The following EPB41L4A variants were observed in gnomAD, a reference collection of about 807,000 sequenced individuals.
EPB41L4A encodes band 4.1-like protein 4A.
In EPB41L4A, 100 loss-of-function variants were observed where a neutral mutation model predicts 108.6. The ratio of observed to expected loss-of-function variants is 0.92; its 90% confidence interval spans 0.78 to 1.09. The LOEUF (loss-of-function observed/expected upper bound fraction) is 1.09. Ranked by LOEUF, EPB41L4A falls within the 50% of genes least tolerant of loss-of-function variation. The pLI, the probability that EPB41L4A is intolerant of heterozygous loss-of-function variation, is 0.00. For synonymous variants in EPB41L4A, 319 were observed against 289.0 expected, an observed-to-expected ratio of 1.10 and a Z score of -1.05; for missense variants, 1,030 against 842.7, an observed-to-expected ratio of 1.22 and a Z score of -2.75.
At chr5:112,366,899 G>T (rs563160690) in intron 1 of EPB41L4A, among the ~76,000 whole-genome samples, 3 of 152,242 alleles carry the variant, frequency 2.0e-5, no homozygotes, top group African/African-American at 7.2e-5. Flanking sequence ...AGAGTCTGAG[G>T]TCACATACTC....
At chr5:112,158,112 G>A (rs974579688), downstream of EPB41L4A, among the ~76,000 whole-genome samples, 2 of 152,204 alleles carry the variant, frequency 1.3e-5, no homozygotes, top group Non-Finnish European at 2.9e-5. Flanking sequence ...GCCTTCCTCT[G>A]CCTAATTTTG....
Position 112,240,346 on chromosome 5 carries a change from C to T in EPB41L4A, c.887+373G>A, listed in dbSNP as rs191070029. Among the ~76,000 whole-genome samples the T allele has an allele frequency of 5.9e-5, 9 of 152,300 alleles. No individual in the cohort carries two copies. In the East Asian group the frequency reaches 1.5e-3, roughly 26 times the overall value. On this transcript the variant is annotated intron_variant, in intron 10 of 22. Coordinates refer to ENST00000261486, the MANE Select transcript of EPB41L4A (RefSeq NM_022140.5). ...GAGCCTTGTACACCTAACTGACTTA[C>T]CACATTTCTACCTAGATGGCTGATA...
chr5:112,313,998 G>C (rs1280798924), intron 1 of EPB41L4A, among the ~76,000 whole-genome samples: 1 of 151,482 alleles, frequency 6.6e-6, no homozygotes, highest in East Asian at 2.0e-4. Context: ...GAAGTAGCTG[G>C]GACTACAGGT....
chr5:112,201,844 G>A lies in EPB41L4A; in HGVS notation c.1376+2531C>T, dbSNP rs548297845. 2.0e-5 allele frequency among the ~76,000 whole-genome samples: 3 copies of A among 152,252 alleles called. 1 individual carries two copies. In the Middle Eastern group the frequency reaches 0.01, roughly 518 times the overall value. ...ATCACTATCTCCACCTTTTTCAGATGTACAGGCTGGGATTCCAATCCCATG... is the reference window on the plus strand; with the variant it reads ...ATCACTATCTCCACCTTTTTCAGATATACAGGCTGGGATTCCAATCCCATG... On this transcript the variant is annotated intron_variant, in intron 15 of 22. Transcript: ENST00000261486.
intron 1 of EPB41L4A, among the ~76,000 whole-genome samples, chr5:112,374,144 G>A (rs141764695): frequency 6.6e-6 from 1 of 152,136 alleles, no homozygotes; most frequent in African/African-American, 2.4e-5. Context: ...AATGTCAGAG[G>A]CATCCCCATG....
At position 112,268,175 on chromosome 5, in the gene EPB41L4A, AG is replaced by A. The variant is rs1489192924; in HGVS notation, c.336-1846del. Among the ~76,000 whole-genome samples, 8 of 152,356 alleles carry A rather than the reference AG, an allele frequency of 5.3e-5. No individual in the cohort carries two copies. The East Asian group carries it at 1.5e-3, about 29-fold the overall frequency. Reference sequence around the variant, plus strand: ...GGCAGGTGGATCACCTGAGATCAGGAGTTCAACACCAGCCAGGCCAACACAG... The same window carrying A: ...GGCAGGTGGATCACCTGAGATCAGGATTCAACACCAGCCAGGCCAACACAG... On this transcript the variant is annotated intron_variant, in intron 4 of 22. Coordinates refer to ENST00000261486, the MANE Select transcript of EPB41L4A (RefSeq NM_022140.5).
chr5:112,211,741 A>G (rs747208459), intron 12 of EPB41L4A, among the ~76,000 whole-genome samples: 15 of 152,236 alleles, frequency 9.9e-5, no homozygotes, highest in Non-Finnish European at 1.8e-4. Flanking sequence ...TGTCTGGCTT[A>G]CCCATCAGGA....
At chr5:112,373,535 T>A (rs1759625001) in intron 1 of EPB41L4A, among the ~76,000 whole-genome samples, 1 of 152,280 alleles carries the variant, frequency 6.6e-6, no homozygotes. Flanking sequence ...CAAACACTTG[T>A]TATGTGTCAT....
chr5:112,297,780 G>C (rs1419150838), intron 2 of EPB41L4A, among the ~76,000 whole-genome samples: 1 of 151,864 alleles, frequency 6.6e-6, no homozygotes, highest in African/African-American at 2.4e-5. Flanking sequence ...TAATGATTTA[G>C]GACTTAAATC....
downstream of EPB41L4A, among the ~76,000 whole-genome samples, chr5:112,159,219 G>C (rs944195606): frequency 6.6e-6 from 1 of 152,004 alleles, no homozygotes; most frequent in African/African-American, 2.4e-5. Context: ...ACAAAAAGCT[G>C]TATTTAATGT....
intron 2 of EPB41L4A, among the ~76,000 whole-genome samples, chr5:112,300,395 T>C (rs1466162868): frequency 6.6e-6 from 1 of 152,174 alleles, no homozygotes. Context: ...CTATCTTTTC[T>C]TCATTTATGA....
Position 112,165,108 on chromosome 5 carries a change from C to G in EPB41L4A, c.1943G>C (p.Gly648Ala). ...TTCTTCCATCAGGCTATCTTTAGACCCATTTCTTCTCTAAAATATATTTGA... is the reference window on the plus strand; with the variant it reads ...TTCTTCCATCAGGCTATCTTTAGACGCATTTCTTCTCTAAAATATATTTGA... ...GDATVHQRRNGSKDSLMEEKP... is the reference protein window; with the variant it reads ...GDATVHQRRNASKDSLMEEKP... Residue 648 changes from glycine (G) to alanine (A), a missense_variant, in exon 23 of 23, where the codon GGG (glycine) becomes GCG (alanine). Gly to Ala is a moderately conservative substitution (Grantham distance 60, BLOSUM62 0). Transcript: ENST00000261486. The G allele has an allele frequency of 6.8e-7, 1 of 1,481,416 alleles. No individual in the cohort carries two copies. The highest frequency in any genetic ancestry group is 2.5e-5 in the African/African-American group (1 of 40,468). 91.8% of individuals were successfully genotyped at this position (1,481,416 alleles called of 1,614,324 possible).
intron 1 of EPB41L4A, among the ~76,000 whole-genome samples, chr5:112,312,259 T>A (rs974333315): frequency 4.6e-5 from 7 of 152,214 alleles, no homozygotes; most frequent in African/African-American, 1.7e-4. Flanking sequence ...ATCATCAAAT[T>A]TGAAAATTTT....
At chr5:112,171,445 G>C (rs1421385323) in intron 18 of EPB41L4A, among the ~76,000 whole-genome samples, 2 of 152,228 alleles carry the variant, frequency 1.3e-5, no homozygotes, top group Non-Finnish European at 2.9e-5. Context: ...GGATGGCCCT[G>C]ATGGCAGACT....
intron 5 of EPB41L4A, among the ~76,000 whole-genome samples, chr5:112,265,438 G>A (rs1205438958): frequency 1.3e-5 from 2 of 151,976 alleles, no homozygotes; most frequent in East Asian, 1.9e-4. Flanking sequence ...CTGAAATAAT[G>A]ATCATGGAAA....
chr5:112,396,018 A>T (rs1761313493), intron 1 of EPB41L4A, among the ~76,000 whole-genome samples: 1 of 152,158 alleles, frequency 6.6e-6, no homozygotes, highest in African/African-American at 2.4e-5. Flanking sequence ...CAAACACCAC[A>T]TGTTCTCACT....
intron 12 of EPB41L4A, among the ~76,000 whole-genome samples, chr5:112,215,347 G>T (rs1366996686): frequency 6.6e-6 from 1 of 152,140 alleles, no homozygotes; most frequent in African/African-American, 2.4e-5. Context: ...ATTGACATAT[G>T]GCTATTAAGG....
intron 1 of EPB41L4A, among the ~76,000 whole-genome samples, chr5:112,371,257 T>C (rs992009321): frequency 6.6e-6 from 1 of 152,224 alleles, no homozygotes; most frequent in African/African-American, 2.4e-5. Context: ...GCTTAGCGTT[T>C]TAAATATCAT....
intron 22 of EPB41L4A, among the ~76,000 whole-genome samples, chr5:112,165,691 CCCT>C (rs1188626726): frequency 7.2e-5 from 11 of 152,164 alleles, no homozygotes; most frequent in African/African-American, 1.2e-4. Context: ...TTATGCGAAC[CCCT>C]CCTCCTCTTA....
Sources: gnomAD v4.1 joint callset for allele counts (sites outside exome capture counted in the v4.1 genomes callset) on GRCh38, gnomAD v4.1.1 for gene constraint, MANE v1.5 for transcripts, NCBI Gene and HGNC (gene_info 2026-07-23, HGNC 2026-07-21) for gene names.